The following SCAI variants were observed in gnomAD, a reference collection of about 807,000 sequenced individuals.
SCAI encodes the protein protein SCAI.
SCAI carries 24 observed loss-of-function variants against 92.2 expected under a neutral mutation model. The ratio of observed to expected loss-of-function variants is 0.26; its 90% CI spans 0.19 to 0.37. SCAI has a LOEUF of 0.37. Ranked by LOEUF, SCAI falls within the 10% of genes least tolerant of loss-of-function variation. The probability of loss-of-function intolerance (pLI) is 1.00; values close to 1 mark genes in which losing one functional copy is unlikely to be tolerated. For synonymous variants in SCAI, 261 were observed against 258.6 expected (o/e 1.01, Z -0.09); for missense variants, 450 against 736.2 (o/e 0.61, Z 4.50).
At chr9:125,072,064 A>AC (rs1360274595) in intron 2 of SCAI, among the ~76,000 whole-genome samples, 2 of 149,834 alleles carry the variant, frequency 1.3e-5, no homozygotes, top group African/African-American at 2.5e-5. Context: ...TTGCTCTGTC[A>AC]CCAGGCTGGA....
chr9:125,124,118 A>G (rs756036756), intron 2 of SCAI, among the ~76,000 whole-genome samples: 14 of 152,180 alleles, frequency 9.2e-5, no homozygotes, highest in Non-Finnish European at 1.5e-4. Context: ...CAATGCAGAG[A>G]ATTAAGCCAG....
In SCAI at chr9:125,073,394, G is replaced by A. The variant is rs181918807; in HGVS notation, c.99-17387C>T. 1.2e-3 allele frequency among the ~76,000 whole-genome samples: 182 copies of A among 152,110 alleles called. 2 individuals carry two copies. The highest frequency in any genetic ancestry group is 6.8e-3 in the Middle Eastern group (2 of 292). On this transcript the variant is annotated intron_variant, in intron 2 of 17. Transcript: ENST00000336505. ...GCTGGGATTACAGGCGTGAGCCACC[G>A]CGCCCGGCCCTATTTTTAATTTTTT...
chr9:124,991,069 G>T (rs1832109140), intron 14 of SCAI, among the ~76,000 whole-genome samples: 1 of 152,076 alleles, frequency 6.6e-6, no homozygotes, highest in African/African-American at 2.4e-5. Context: ...ACATTAACAA[G>T]TGGCCAGGCG....
chr9:125,006,640 C>T (rs1423834705), intron 9 of SCAI, among the ~76,000 whole-genome samples: 3 of 152,008 alleles, frequency 2.0e-5, no homozygotes, highest in Admixed American at 6.6e-5. Context: ...TACAGGCGCA[C>T]GCCACCACGC....
intron 14 of SCAI, among the ~76,000 whole-genome samples, chr9:124,977,680 A>AAAAAC (rs1159355366): frequency 1.3e-5 from 2 of 152,190 alleles, no homozygotes; most frequent in South Asian, 2.1e-4. Flanking sequence ...TCTCAAAACA[A>AAAAAC]AAAACAAAAC....
chr9:125,072,256 T>G (rs1833992918), intron 2 of SCAI, among the ~76,000 whole-genome samples: 1 of 152,196 alleles, frequency 6.6e-6, no homozygotes, highest in Admixed American at 6.5e-5. Context: ...TCTCCTGACC[T>G]CATGATCCGC....
intron 2 of SCAI, among the ~76,000 whole-genome samples, chr9:125,071,101 G>A (rs2131162297): frequency 6.6e-6 from 1 of 152,260 alleles, no homozygotes; most frequent in Middle Eastern, 3.4e-3. Flanking sequence ...CACCATGATT[G>A]TGAGGCCTCC....
chr9:125,107,628 T>C (rs2131224181), intron 2 of SCAI, among the ~76,000 whole-genome samples: 1 of 152,090 alleles, frequency 6.6e-6, no homozygotes, highest in Admixed American at 6.5e-5. Context: ...TACCCAGGTG[T>C]CATGGCATGT....
chr9:125,076,744 G>A (rs1318601872), intron 2 of SCAI, among the ~76,000 whole-genome samples: 1 of 151,982 alleles, frequency 6.6e-6, no homozygotes, highest in Non-Finnish European at 1.5e-5. Context: ...TGTCACCCAG[G>A]CTGGAGTGCA....
intron 9 of SCAI, among the ~76,000 whole-genome samples, chr9:125,010,336 C>A (rs1415890317): frequency 6.6e-6 from 1 of 152,172 alleles, no homozygotes; most frequent in Admixed American, 6.5e-5. Context: ...CCCAATACTG[C>A]GCTTTTCCGA....
rs572457223 is a variant in SCAI at position 124,956,659 on chromosome 9, CTCAG to C, written c.1675-3710_1675-3707del. Among the ~76,000 whole-genome samples, 4 of 152,282 alleles carry C rather than the reference CTCAG, an allele frequency of 2.6e-5. No individual in the cohort carries two copies. In the East Asian group the frequency reaches 7.7e-4, roughly 29 times the overall value. ...TTAGTAAATTAAGAATGGAAGGGAG[CTCAG>C]TCAATCTGAGAAAGGGTATCTATGA... is the stretch of plus-strand genomic sequence containing the variant. On this transcript the variant is annotated intron_variant, in intron 17 of 17. Transcript: ENST00000336505.
chr9:124,953,463 C>T (rs1383758030), intron 17 of SCAI, among the ~76,000 whole-genome samples: 1 of 151,982 alleles, frequency 6.6e-6, no homozygotes, highest in African/African-American at 2.4e-5. Context: ...CCCATCTCTA[C>T]TAAAATACAA....
At chr9:125,047,847 TA>T (rs1406733262) in intron 3 of SCAI, among the ~76,000 whole-genome samples, 5 of 152,260 alleles carry the variant, frequency 3.3e-5, no homozygotes, top group Non-Finnish European at 7.3e-5. Context: ...TGAAGTAGAA[TA>T]TTTTTTATTT....
At chr9:125,045,010 C>T (rs532400639) in intron 3 of SCAI, among the ~76,000 whole-genome samples, 3 of 152,198 alleles carry the variant, frequency 2.0e-5, no homozygotes, top group Non-Finnish European at 4.4e-5. Context: ...TTCGCTAACA[C>T]ACCCCTCGCT....
At chr9:124,964,246 T>C (rs917708567) in intron 17 of SCAI, among the ~76,000 whole-genome samples, 11 of 152,242 alleles carry the variant, frequency 7.2e-5, no homozygotes, top group Non-Finnish European at 4.4e-5. Context: ...GAAACATTCA[T>C]GTCCACCCCA....
At chr9:125,118,018 A>G (rs1835082991) in intron 2 of SCAI, among the ~76,000 whole-genome samples, 1 of 152,304 alleles carries the variant, frequency 6.6e-6, no homozygotes, top group African/African-American at 2.4e-5. Context: ...AATAAGCACT[A>G]GCACTCTGCG....
intron 13 of SCAI, 74 bp downstream of exon 13, chr9:124,999,817 T>C: frequency 2.6e-6 from 2 of 780,814 alleles, no homozygotes; most frequent in South Asian, 3.5e-5. Context: ...AAACTCCCCA[T>C]TTTACTTAAT....
At chr9:125,076,726 A>G (rs1834098686) in intron 2 of SCAI, among the ~76,000 whole-genome samples, 2 of 151,664 alleles carry the variant, frequency 1.3e-5, no homozygotes, top group Non-Finnish European at 2.9e-5. Context: ...TTTGAGACAG[A>G]GTCTCACTGT....
At chr9:125,046,975 A>T (rs1265802401) in intron 3 of SCAI, among the ~76,000 whole-genome samples, 2 of 152,186 alleles carry the variant, frequency 1.3e-5, no homozygotes, top group African/African-American at 4.8e-5. Flanking sequence ...GTGACAGCAT[A>T]GTATTGAATC....
Sources: gnomAD v4.1 joint callset for allele counts (sites outside exome capture counted in the v4.1 genomes callset) on GRCh38, gnomAD v4.1.1 for gene constraint, MANE v1.5 for transcripts, NCBI Gene and HGNC (gene_info 2026-07-23, HGNC 2026-07-21) for gene names.